The following CFAP20DC variants were observed in gnomAD, a reference collection of about 807,000 sequenced individuals.
The protein encoded by CFAP20DC is CFAP20 domain containing, also known as protein CFAP20DC.
In CFAP20DC, 84 loss-of-function variants were observed where a neutral mutation model predicts 101.7. That is an observed-to-expected ratio of 0.83 (90% CI 0.69 to 0.99). The LOEUF (loss-of-function observed/expected upper bound fraction) is 0.99. CFAP20DC is among the 50% of genes least tolerant of loss of function. The probability of loss-of-function intolerance (pLI) is 0.00; values close to 1 mark genes in which losing one functional copy is unlikely to be tolerated. For synonymous variants in CFAP20DC, 359 were observed against 351.2 expected (o/e 1.02, Z -0.25); for missense variants, 1,007 against 970.3 (o/e 1.04, Z -0.50).
chr3:58,979,745 C>A (rs543668036), intron 4 of CFAP20DC, among the ~76,000 whole-genome samples: 6 of 152,012 alleles, frequency 3.9e-5, no homozygotes, highest in Non-Finnish European at 5.9e-5. Context: ...TTTTCTGAAC[C>A]ATATTATATT....
chr3:58,876,818 CA>C (rs1281155050), intron 7 of CFAP20DC, among the ~76,000 whole-genome samples: 1 of 152,148 alleles, frequency 6.6e-6, no homozygotes, highest in African/African-American at 2.4e-5. Context: ...TATTATCTAA[CA>C]ATCAAATTAG....
intron 13 of CFAP20DC, among the ~76,000 whole-genome samples, chr3:58,842,484 C>T (rs1270467342): frequency 6.7e-5 from 10 of 148,638 alleles, no homozygotes; most frequent in South Asian, 2.2e-4. Flanking sequence ...CACCACGAGA[C>T]TATATCCCAC....
intron 13 of CFAP20DC, among the ~76,000 whole-genome samples, chr3:58,846,777 A>G (rs1216051107): frequency 6.8e-6 from 1 of 146,948 alleles, no homozygotes; most frequent in Non-Finnish European, 1.5e-5. Flanking sequence ...CTACAAGGCT[A>G]CAGTAACCAA....
In CFAP20DC at chr3:58,757,934, A is replaced by G. The variant is rs185069710; in HGVS notation, c.2238-4071T>C. ...GTTTCTATTTTAACTAAAATATAAA[A>G]AACTTTGGGCTAAACAAAATCAACC... is the stretch of plus-strand genomic sequence containing the variant. On this transcript the variant is annotated intron_variant, in intron 15 of 16. Coordinates refer to ENST00000482387, the MANE Select transcript of CFAP20DC (RefSeq NM_001394063.1). 7.2e-3 allele frequency among the ~76,000 whole-genome samples: 1,099 copies of G among 152,314 alleles called. 8 individuals are homozygous for G. The highest frequency in any genetic ancestry group is 0.012 in the Non-Finnish European group (795 of 68,016).
intron 14 of CFAP20DC, among the ~76,000 whole-genome samples, chr3:58,814,282 T>C (rs371825803): frequency 2.0e-5 from 3 of 152,042 alleles, no homozygotes; most frequent in African/African-American, 7.3e-5. Flanking sequence ...CAGAATCCTA[T>C]CTTGTTAGTG....
At chr3:58,737,016 C>G, downstream of CFAP20DC, 1 of 299,314 alleles carries the variant, frequency 3.3e-6, no homozygotes, top group Non-Finnish European at 6.6e-6. The surrounding 1 kb of genome is among the most constrained non-coding windows in gnomAD (Gnocchi z 4.1). Flanking sequence ...GATGAATGAA[C>G]TTTCATTTAG....
chr3:58,956,475 A>T (rs567729904), intron 4 of CFAP20DC, among the ~76,000 whole-genome samples: 9 of 152,138 alleles, frequency 5.9e-5, no homozygotes, highest in Non-Finnish European at 1.0e-4. Context: ...AGAGTGGGAA[A>T]GACTACATCT....
intron 15 of CFAP20DC, among the ~76,000 whole-genome samples, chr3:58,768,941 C>T (rs2070581995): frequency 6.6e-6 from 1 of 152,170 alleles, no homozygotes; most frequent in African/African-American, 2.4e-5. Context: ...GGCATACTCA[C>T]ATTAGGAGGA....
chr3:58,929,545 T>C (rs1460786324), intron 5 of CFAP20DC, among the ~76,000 whole-genome samples: 1 of 152,220 alleles, frequency 6.6e-6, no homozygotes. Context: ...TTAACTTCAA[T>C]AACTGGAGTC....
intron 16 of CFAP20DC, among the ~76,000 whole-genome samples, chr3:58,747,178 A>G (rs115845027): frequency 0.01 from 1,552 of 152,292 alleles, 32 homozygotes; most frequent in African/African-American, 0.035. Context: ...TACACACAAT[A>G]AAGCCATTTC....
Position 58,788,144 on chromosome 3 carries a change from TA to T in CFAP20DC, c.2237+18250del, listed in dbSNP as rs542429709. ...TTGTCCCAGAACTTAAAGTACAATT[TA>T]AAAAAAAAAAAGAGGAAGAAAACAC... On this transcript the variant is annotated intron_variant, in intron 15 of 16. Coordinates refer to ENST00000482387, the MANE Select transcript of CFAP20DC (RefSeq NM_001394063.1). The surrounding 1 kb of genome is among the most constrained non-coding windows in gnomAD (Gnocchi z 4.2). Among the ~76,000 whole-genome samples the T allele has an allele frequency of 0.016, 2,175 of 138,402 alleles. 17 individuals are homozygous for T. Among genetic ancestry groups the T allele is most frequent in the Non-Finnish European group, 0.024 (1,502 of 63,400 alleles). 90.8% of individuals were successfully genotyped at this position (138,402 alleles called of 152,430 possible).
In CFAP20DC at chr3:58,984,438, ACT is replaced by A. The variant is rs1276772815; in HGVS notation, c.279-46678_279-46677del. 5.3e-5 allele frequency among the ~76,000 whole-genome samples: 8 copies of A among 152,052 alleles called. No individual in the cohort carries two copies. In the South Asian group the frequency reaches 1.0e-3, roughly 20 times the overall value. On this transcript the variant is annotated intron_variant, in intron 4 of 16. Transcript: ENST00000482387. Reference sequence around the variant, plus strand: ...CCAAACCACATGGTGACACCAGCAAACTCTGAAATGCAACGAGCAGAATCATC... The same window carrying A: ...CCAAACCACATGGTGACACCAGCAAACTGAAATGCAACGAGCAGAATCATC...
intron 6 of CFAP20DC, among the ~76,000 whole-genome samples, chr3:58,904,373 T>C (rs964323787): frequency 6.6e-6 from 1 of 152,152 alleles, no homozygotes; most frequent in African/African-American, 2.4e-5. Flanking sequence ...CAGATATTCA[T>C]GACCCATTTT....
At chr3:58,872,237 C>A (rs1212666712) in intron 7 of CFAP20DC, among the ~76,000 whole-genome samples, 1 of 152,162 alleles carries the variant, frequency 6.6e-6, no homozygotes, top group Non-Finnish European at 1.5e-5. Context: ...CAGTCCTGGA[C>A]ATATATAAGC....
At chr3:59,005,204 TTG>T (rs1251467532) in intron 4 of CFAP20DC, among the ~76,000 whole-genome samples, 1 of 152,124 alleles carries the variant, frequency 6.6e-6, no homozygotes, top group African/African-American at 2.4e-5. Context: ...GGGAGGGGCC[TTG>T]GTGGCTTCTG....
intron 15 of CFAP20DC, among the ~76,000 whole-genome samples, chr3:58,782,414 T>C (rs2071917325): frequency 6.6e-6 from 1 of 152,010 alleles, no homozygotes; most frequent in Non-Finnish European, 1.5e-5. Flanking sequence ...TTCAACGTAA[T>C]ACTGGAAGTC....
chr3:58,962,820 C>T (rs1424393663), intron 4 of CFAP20DC, among the ~76,000 whole-genome samples: 1 of 152,082 alleles, frequency 6.6e-6, no homozygotes, highest in African/African-American at 2.4e-5. Flanking sequence ...TCAGTCTCTC[C>T]AGAATGTGAG....
At chr3:58,846,917 G>C (rs1423040831) in intron 13 of CFAP20DC, among the ~76,000 whole-genome samples, 2 of 150,194 alleles carry the variant, frequency 1.3e-5, no homozygotes, top group East Asian at 3.9e-4. Flanking sequence ...AATGGGGAAA[G>C]GATTCCCTAT....
chr3:58,806,868 T>C (rs1278998685), intron 14 of CFAP20DC, among the ~76,000 whole-genome samples: 1 of 152,182 alleles, frequency 6.6e-6, no homozygotes, highest in Non-Finnish European at 1.5e-5. Flanking sequence ...CCCACCCTAA[T>C]ACTGCACTTT....
Sources: allele counts gnomAD v4.1 joint callset (sites outside exome capture counted in the v4.1 genomes callset), GRCh38; gene constraint gnomAD v4.1.1; non-coding constraint Gnocchi (gnomAD v3.1); transcripts MANE v1.5; gene names NCBI Gene and HGNC (gene_info 2026-07-23, HGNC 2026-07-21).